RBM46: variants seen among roughly 807,000 people sequenced by gnomAD.
RBM46 encodes the protein RNA binding motif protein 46, also known as probable RNA-binding protein 46.
Under a neutral mutation model 43.3 loss-of-function variants are expected in RBM46, and 12 were observed. That is an observed-to-expected ratio of 0.28 (90% CI 0.18 to 0.45). The LOEUF is 0.45. RBM46 is among the 20% of genes least tolerant of loss of function. RBM46 has a pLI of 1.00. For synonymous variants in RBM46, 205 were observed against 207.6 expected, an observed-to-expected ratio of 0.99 and a Z score of 0.11; for missense variants, 412 against 639.1, an observed-to-expected ratio of 0.64 and a Z score of 3.83.
rs2111168360 is a variant in RBM46, at chr4:154,807,729, G to A, written c.1402+8165G>A. ...TTCCTGTGAAGCTTCAAAACAGAAGGACAATAATTAAAAACCTTAGTATCC... is the reference window on the plus strand; with the variant it reads ...TTCCTGTGAAGCTTCAAAACAGAAGAACAATAATTAAAAACCTTAGTATCC... On this transcript the variant is annotated intron_variant, in intron 4 of 4. Transcript: ENST00000281722. 1.3e-5 allele frequency among the ~76,000 whole-genome samples: 2 copies of A among 151,762 alleles called. 1 individual carries two copies. The highest frequency in any genetic ancestry group is 4.2e-4 in the South Asian group (2 of 4,812).
At position 154,804,824 on chromosome 4, in the gene RBM46, T is replaced by TG. The variant is rs1184865719; in HGVS notation, c.1402+5260_1402+5261insG. Among the ~76,000 whole-genome samples, 39 of 151,636 alleles carry TG rather than the reference T, an allele frequency of 2.6e-4. No homozygotes were observed. In the Middle Eastern group the frequency reaches 0.034, roughly 133 times the overall value. On this transcript the variant is annotated intron_variant, in intron 4 of 4. Transcript: ENST00000281722. ...AAAATGATTAAGGTTGTTTTTTTTT[T>TG]TTTTTTTTTTTTAAACAGGTCTTTT...
At chr4:154,803,773 C>G in intron 4 of RBM46, among the ~76,000 whole-genome samples, 1 of 142,150 alleles carries the variant, frequency 7.0e-6, no homozygotes. Flanking sequence ...GATCTGTAAT[C>G]TGTAGGATAG....
At chr4:154,827,113 G>A (rs950497876) in intron 4 of RBM46, 1 of 1,033,958 alleles carries the variant, frequency 9.7e-7, no homozygotes, top group African/African-American at 1.7e-5. Flanking sequence ...TGCAGTTAAT[G>A]AAACAGGAAA....
chr4:154,800,187 A>C (rs1274412147), intron 4 of RBM46, among the ~76,000 whole-genome samples: 1 of 152,156 alleles, frequency 6.6e-6, no homozygotes, highest in Non-Finnish European at 1.5e-5. Context: ...TGAAATAAAA[A>C]TTTTTTGTAT....
chr4:154,794,177 CTTTTTTTTT>C (rs58437982), intron 1 of RBM46, among the ~76,000 whole-genome samples: 1 of 115,760 alleles, frequency 8.6e-6, no homozygotes, highest in Non-Finnish European at 1.7e-5. Context: ...GTAGTAATCA[CTTTTTTTTT>C]TTTTTTTTTT....
rs1226707407 is a variant in RBM46, at chr4:154,781,442, G to C, written c.-12+6G>C. On this transcript the variant is annotated splice_donor_region_variant and intron_variant, in intron 1 of 4. Coordinates refer to ENST00000281722, the MANE Select transcript of RBM46 (RefSeq NM_144979.5). The stretch of plus-strand genomic sequence containing the variant: ...ACATTTGAAGACCCGAAGGGGTGAG[G>C]AGGGGAAAGGGGAAACGGGGTCACT... The C allele has an allele frequency of 6.6e-6, 1 of 152,360 alleles. No homozygotes were observed. The highest frequency in any genetic ancestry group is 1.5e-5 in the Non-Finnish European group (1 of 68,132). 9.4% of individuals were successfully genotyped at this position (152,360 alleles called of 1,614,324 possible).
chr4:154,811,454 A>T (rs1021712888), intron 4 of RBM46, among the ~76,000 whole-genome samples: 1 of 152,164 alleles, frequency 6.6e-6, no homozygotes, highest in Non-Finnish European at 1.5e-5. Flanking sequence ...AGGGCCCAGA[A>T]CATTCCCTTT....
At chr4:154,786,459 A>C (rs1279136503) in intron 1 of RBM46, among the ~76,000 whole-genome samples, 1 of 152,278 alleles carries the variant, frequency 6.6e-6, no homozygotes, top group East Asian at 1.9e-4. Flanking sequence ...TTAATATTAC[A>C]TTGTTTTATT....
chr4:154,814,180 A>T (rs156579), intron 4 of RBM46, among the ~76,000 whole-genome samples: 87,870 of 151,770 alleles, frequency 0.58, 28,213 homozygotes, highest in African/African-American at 0.85. Flanking sequence ...ATTTAATGAT[A>T]CCCATTTTAC....
chr4:154,815,268 A>G (rs1735377668), intron 4 of RBM46, among the ~76,000 whole-genome samples: 1 of 152,012 alleles, frequency 6.6e-6, no homozygotes, highest in South Asian at 2.1e-4. Flanking sequence ...CTGTTTGAAT[A>G]ATGACACTCT....
chr4:154,814,610 A>G (rs1735336491), intron 4 of RBM46, among the ~76,000 whole-genome samples: 1 of 152,044 alleles, frequency 6.6e-6, no homozygotes. Context: ...AGCTAATTCT[A>G]AAACTCCAGG....
chr4:154,820,423 G>T (rs1735669726), intron 4 of RBM46: 1 of 1,496,484 alleles, frequency 6.7e-7, no homozygotes, highest in Non-Finnish European at 9.0e-7. Context: ...AAATAAACAG[G>T]TAAGAGTTTA....
chr4:154,827,911 T>A lies in RBM46; in HGVS notation c.1446T>A (p.Val482=). The change falls in exon 5 of 5, where the codon GTT becomes GTA. Residue 482 remains valine (V), a synonymous_variant. Coordinates refer to ENST00000281722, the MANE Select transcript of RBM46 (RefSeq NM_144979.5). ...GCTCAATAAATAGTCTTTCCCCTGT[T>A]AGTGCTACCCTCTCTTCTGGGACTC... ...HRSSINSLSP[V]SATLSSGTPS... 1 of 1,614,022 alleles carries A rather than the reference T, an allele frequency of 6.2e-7. No individual in the cohort carries two copies. Among genetic ancestry groups the A allele is most frequent in the South Asian group, 1.1e-5 (1 of 91,082 alleles).
chr4:154,806,657 AAAAT>A (rs1169942221), intron 4 of RBM46, among the ~76,000 whole-genome samples: 17 of 151,816 alleles, frequency 1.1e-4, no homozygotes, highest in Admixed American at 8.5e-4. Context: ...GCTGGAAAAA[AAAAT>A]AAATAAATAA....
intron 1 of RBM46, among the ~76,000 whole-genome samples, chr4:154,782,433 C>T (rs2111071419): frequency 6.6e-6 from 1 of 152,196 alleles, no homozygotes; most frequent in Admixed American, 6.5e-5. Context: ...TGTGGTAATC[C>T]TAATATAGGC....
intron 4 of RBM46, among the ~76,000 whole-genome samples, chr4:154,810,294 T>C (rs1039401547): frequency 2.6e-5 from 4 of 152,114 alleles, no homozygotes; most frequent in Admixed American, 2.0e-4. Context: ...AGTTACATAG[T>C]ATCAAGGCTA....
chr4:154,796,952 G>T (rs927431032), intron 2 of RBM46, 49 bp downstream of exon 2: 1 of 1,513,102 alleles, frequency 6.6e-7, no homozygotes, highest in Non-Finnish European at 9.1e-7. Flanking sequence ...ACCTCGTCAT[G>T]TAGATTAGAT....
At chr4:154,789,947 CT>C (rs1201836882) in intron 1 of RBM46, among the ~76,000 whole-genome samples, 1 of 152,144 alleles carries the variant, frequency 6.6e-6, no homozygotes, top group East Asian at 1.9e-4. Context: ...TCTAGATTTT[CT>C]AGTTTATCTG....
At chr4:154,790,709 G>A (rs156513) in intron 1 of RBM46, among the ~76,000 whole-genome samples, 4,973 of 152,224 alleles carry the variant, frequency 0.033, 287 homozygotes, top group African/African-American at 0.11. Context: ...GATGTTTTCT[G>A]TTTATATTTG....
Sources: allele counts gnomAD v4.1 joint callset (sites outside exome capture counted in the v4.1 genomes callset), GRCh38; gene constraint gnomAD v4.1.1; transcripts MANE v1.5; gene names NCBI Gene and HGNC (gene_info 2026-07-23, HGNC 2026-07-21).